GABRG3: variants seen among roughly 807,000 people sequenced by gnomAD.
The protein encoded by GABRG3 is gamma-aminobutyric acid type A receptor subunit gamma3, also known as gamma-aminobutyric acid receptor subunit gamma-3.
A neutral mutation model predicts 48.8 loss-of-function variants in GABRG3; 25 were observed. That is an observed-to-expected ratio of 0.51 (90% CI 0.37 to 0.72). The LOEUF (loss-of-function observed/expected upper bound fraction) is 0.72, where lower values mean the gene tolerates loss of function less well. Ranked by LOEUF, GABRG3 falls within the 30% of genes least tolerant of loss-of-function variation. The pLI is 0.00. For missense variants in GABRG3, 394 were observed against 577.9 expected (o/e 0.68, Z 3.26); for synonymous variants, 227 against 217.6 (o/e 1.04, Z -0.38).
At chr15:27,429,217 A>G (rs1020295182) in intron 5 of GABRG3, among the ~76,000 whole-genome samples, 1 of 152,186 alleles carries the variant, frequency 6.6e-6, no homozygotes, top group East Asian at 1.9e-4. Flanking sequence ...TAAATCATTC[A>G]TATTATTATA....
intron 3 of GABRG3, chr15:27,161,456 C>T (rs569667528): frequency 8.0e-4 from 122 of 152,250 alleles, no homozygotes; most frequent in African/African-American, 2.9e-3. Context: ...CTTAGGAAAC[C>T]TCCATCTTTT....
At chr15:27,119,212 T>C (rs1028462550) in intron 3 of GABRG3, among the ~76,000 whole-genome samples, 8 of 152,202 alleles carry the variant, frequency 5.3e-5, no homozygotes, top group African/African-American at 1.9e-4. Context: ...TACACCTCTA[T>C]GCAACTGTCC....
intron 7 of GABRG3, 38 bp from the exon 8 acceptor site, chr15:27,527,395 T>G (rs1011087107): frequency 4.4e-6 from 7 of 1,592,702 alleles, no homozygotes; most frequent in Non-Finnish European, 6.0e-6. Flanking sequence ...TGTTGCGTGT[T>G]GCACCCTTTT....
At chr15:27,066,527 A>C (rs974403122) in intron 3 of GABRG3, among the ~76,000 whole-genome samples, 1 of 152,336 alleles carries the variant, frequency 6.6e-6, no homozygotes, top group Admixed American at 6.5e-5. Flanking sequence ...AAAGAAAAAT[A>C]GGCCCCATTT....
Position 27,518,574 on chromosome 15 carries a change from G to A in GABRG3, c.713-1398G>A, listed in dbSNP as rs557778150. Among the ~76,000 whole-genome samples the A allele has an allele frequency of 1.6e-3, 239 of 152,238 alleles. 3 individuals carry two copies. Among genetic ancestry groups the A allele is most frequent in the Non-Finnish European group, 2.5e-4 (17 of 68,012 alleles). On this transcript the variant is annotated intron_variant, in intron 6 of 9. Coordinates refer to ENST00000615808, the MANE Select transcript of GABRG3 (RefSeq NM_033223.5). ...GAAGGTGTCAGGGAAGATTTCCTGG[G>A]GAAGTAAGTGATTTTTAAGCTAAGT...
At chr15:27,103,552 G>A (rs900875102) in intron 3 of GABRG3, among the ~76,000 whole-genome samples, 1 of 152,148 alleles carries the variant, frequency 6.6e-6, no homozygotes, top group African/African-American at 2.4e-5. Flanking sequence ...ACCAAAGCTC[G>A]GTTAGGGAGC....
At chr15:27,354,080 C>T (rs908920998) in intron 5 of GABRG3, among the ~76,000 whole-genome samples, 1 of 152,156 alleles carries the variant, frequency 6.6e-6, no homozygotes, top group African/African-American at 2.4e-5. Flanking sequence ...TGGCTCAGAT[C>T]CAGGCCTGTA....
chr15:27,291,060 C>T (rs541409257), intron 3 of GABRG3, among the ~76,000 whole-genome samples: 1 of 152,122 alleles, frequency 6.6e-6, no homozygotes, highest in South Asian at 2.1e-4. Context: ...TATAAGTGCC[C>T]CAATAACAAC....
Position 27,368,074 on chromosome 15 carries a change from G to A in GABRG3, c.574+39186G>A, listed in dbSNP as rs1204902149. Among the ~76,000 whole-genome samples, 4 of 152,298 alleles carry A rather than the reference G, an allele frequency of 2.6e-5. 1 individual carries two copies. In the Middle Eastern group the frequency reaches 0.01, roughly 389 times the overall value. On this transcript the variant is annotated intron_variant, in intron 5 of 9. Coordinates refer to ENST00000615808, the MANE Select transcript of GABRG3 (RefSeq NM_033223.5). ...GCCCCAGAATGGCCAGGAATGGGACGGGAAAGCACTGCTGGGATGGGCCAT... is the reference window on the plus strand; with the variant it reads ...GCCCCAGAATGGCCAGGAATGGGACAGGAAAGCACTGCTGGGATGGGCCAT...
intron 2 of GABRG3, among the ~76,000 whole-genome samples, chr15:26,992,329 C>T (rs562993003): frequency 6.6e-6 from 1 of 152,298 alleles, no homozygotes; most frequent in African/African-American, 2.4e-5. Flanking sequence ...GAAAGGCTTT[C>T]AGTTTTTTCC....
intron 5 of GABRG3, among the ~76,000 whole-genome samples, chr15:27,386,270 G>A (rs560221110): frequency 1.4e-4 from 21 of 152,158 alleles, no homozygotes; most frequent in African/African-American, 4.8e-4. Context: ...CTTTGCTGTC[G>A]GATTTTTAAA....
At chr15:27,449,806 G>A (rs551925473) in intron 5 of GABRG3, among the ~76,000 whole-genome samples, 8 of 152,290 alleles carry the variant, frequency 5.3e-5, no homozygotes, top group African/African-American at 1.7e-4. Context: ...TTTGTGTAAA[G>A]TTCATCAATT....
chr15:27,412,975 T>C (rs1887841327), intron 5 of GABRG3, among the ~76,000 whole-genome samples: 4 of 152,238 alleles, frequency 2.6e-5, no homozygotes, highest in Admixed American at 2.6e-4. Context: ...GCTTCCTGTT[T>C]ATTGCAAATC....
rs1439554033 is a variant in GABRG3 at position 27,352,593 on chromosome 15, C to T, written c.574+23705C>T. Among the ~76,000 whole-genome samples, 1 of 152,108 alleles carries T rather than the reference C, an allele frequency of 6.6e-6. No individual in the cohort carries two copies. The highest frequency in any genetic ancestry group is 1.9e-4 in the East Asian group (1 of 5,182). ...TGCTATTTCTGTCCGACCTGTGGGA[C>T]AGGCGCTCACACCACCCCACACTGC... On this transcript the variant is annotated intron_variant, in intron 5 of 9. Transcript: ENST00000615808. The surrounding 1 kb of genome is among the most constrained non-coding windows in gnomAD (Gnocchi z 4.0).
intron 3 of GABRG3, among the ~76,000 whole-genome samples, chr15:27,224,294 G>A (rs1795281577): frequency 6.6e-6 from 1 of 152,180 alleles, no homozygotes; most frequent in Admixed American, 6.5e-5. Flanking sequence ...ATTTAAATCT[G>A]GATTTTAGTT....
intron 3 of GABRG3, among the ~76,000 whole-genome samples, chr15:27,098,564 G>A (rs185615024): frequency 1.2e-4 from 19 of 152,150 alleles, no homozygotes; most frequent in East Asian, 1.9e-4. Context: ...TATTTTGTTC[G>A]TTTTTAAATA....
intron 5 of GABRG3, among the ~76,000 whole-genome samples, chr15:27,383,177 T>C (rs1196682098): frequency 2.0e-5 from 3 of 152,236 alleles, no homozygotes; most frequent in Admixed American, 1.3e-4. Context: ...CTGACCATGC[T>C]GTCTTTAAGA....
intron 5 of GABRG3, among the ~76,000 whole-genome samples, chr15:27,435,020 G>T (rs936993068): frequency 6.6e-5 from 10 of 151,876 alleles, no homozygotes; most frequent in African/African-American, 2.2e-4. Flanking sequence ...CTCTCTCTGT[G>T]CCAGGCCTTT....
chr15:27,502,436 A>G (rs1595796625), intron 6 of GABRG3, among the ~76,000 whole-genome samples: 1 of 152,310 alleles, frequency 6.6e-6, no homozygotes, highest in East Asian at 1.9e-4. Flanking sequence ...CCCTCACTCA[A>G]CAGCAACAAT....
Sources: gnomAD v4.1 joint callset for allele counts (sites outside exome capture counted in the v4.1 genomes callset) on GRCh38, gnomAD v4.1.1 for gene constraint, Gnocchi (gnomAD v3.1) non-coding constraint, MANE v1.5 for transcripts, NCBI Gene and HGNC (gene_info 2026-07-23, HGNC 2026-07-21) for gene names.